FRMD3: variants seen among roughly 807,000 people sequenced by gnomAD.
The protein encoded by FRMD3 is FERM domain containing 3, also known as FERM domain-containing protein 3.
FRMD3 carries 33 observed loss-of-function variants against 70.2 expected under a neutral mutation model. The ratio of observed to expected loss-of-function variants is 0.47; its 90% CI spans 0.36 to 0.63. FRMD3 has a LOEUF of 0.63. Ranked by LOEUF, FRMD3 falls within the 20% of genes least tolerant of loss-of-function variation. The pLI, the probability that FRMD3 is intolerant of heterozygous loss-of-function variation, is 0.00. For missense variants in FRMD3, 632 were observed against 711.4 expected, an observed-to-expected ratio of 0.89 and a Z score of 1.27; for synonymous variants, 279 against 255.9, an observed-to-expected ratio of 1.09 and a Z score of -0.86.
At chr9:83,460,227 CT>C (rs1180580817) in intron 1 of FRMD3, among the ~76,000 whole-genome samples, 1 of 152,128 alleles carries the variant, frequency 6.6e-6, no homozygotes, top group African/African-American at 2.4e-5. Flanking sequence ...AATAAATCAC[CT>C]GCACATAAGG....
intron 6 of FRMD3, among the ~76,000 whole-genome samples, chr9:83,316,703 C>A (rs984029294): frequency 6.6e-6 from 1 of 152,096 alleles, no homozygotes. Flanking sequence ...TTCTTTGATT[C>A]TTTTCTTTTC....
intron 2 of FRMD3, among the ~76,000 whole-genome samples, chr9:83,381,119 C>G (rs539953062): frequency 1.3e-5 from 2 of 152,148 alleles, no homozygotes; most frequent in East Asian, 1.9e-4. Context: ...AAGGCTATAG[C>G]GAGGCCTAGT....
chr9:83,546,636 G>A, the FRMD3 span, among the ~76,000 whole-genome samples: 2 of 152,172 alleles, frequency 1.3e-5, no homozygotes, highest in East Asian at 3.9e-4. Flanking sequence ...TTAACATTAT[G>A]ACAGGAACAA....
At chr9:83,493,564 T>A (rs547532045) in intron 1 of FRMD3, among the ~76,000 whole-genome samples, 1 of 152,322 alleles carries the variant, frequency 6.6e-6, no homozygotes, top group South Asian at 2.1e-4. Flanking sequence ...AAGCTCCGAG[T>A]TAAAAACATA....
chr9:83,254,841 C>A (rs1200528825), intron 13 of FRMD3, among the ~76,000 whole-genome samples: 1 of 152,118 alleles, frequency 6.6e-6, no homozygotes, highest in Non-Finnish European at 1.5e-5. Flanking sequence ...AACTGAATAT[C>A]TGAATAGATC....
chr9:83,549,119 A>G, the FRMD3 span, among the ~76,000 whole-genome samples: 1 of 151,930 alleles, frequency 6.6e-6, no homozygotes, highest in Non-Finnish European at 1.5e-5. Context: ...TGCCCCCTCA[A>G]GAAGACCCCA....
chr9:83,265,206 C>A (rs1833188603), intron 13 of FRMD3, among the ~76,000 whole-genome samples: 1 of 151,922 alleles, frequency 6.6e-6, no homozygotes, highest in South Asian at 2.1e-4. Flanking sequence ...TGGGATCATC[C>A]TGGCTAACAC....
At chr9:83,351,212 T>G (rs913692259) in intron 3 of FRMD3, among the ~76,000 whole-genome samples, 1 of 151,898 alleles carries the variant, frequency 6.6e-6, no homozygotes, top group Non-Finnish European at 1.5e-5. Context: ...GAATGTATAA[T>G]AAGAATAATT....
At chr9:83,331,985 T>C in intron 6 of FRMD3, 1 of 685,730 alleles carries the variant, frequency 1.5e-6, no homozygotes, top group Admixed American at 2.3e-5. Context: ...GCTCTTTTCC[T>C]TGTGGCTCAA....
chr9:83,579,295 G>T, the FRMD3 span, among the ~76,000 whole-genome samples: 18 of 146,920 alleles, frequency 1.2e-4, no homozygotes, highest in Non-Finnish European at 2.4e-4. Context: ...AGCTTTCAGA[G>T]AAATGTAAAA....
At chr9:83,422,231 A>G (rs866580377) in intron 1 of FRMD3, among the ~76,000 whole-genome samples, 3 of 152,124 alleles carry the variant, frequency 2.0e-5, no homozygotes, top group Non-Finnish European at 4.4e-5. Context: ...TCAAAAAAAC[A>G]AAACAAAAAA....
At chr9:83,425,411 G>A (rs1826773897) in intron 1 of FRMD3, among the ~76,000 whole-genome samples, 1 of 152,084 alleles carries the variant, frequency 6.6e-6, no homozygotes, top group Non-Finnish European at 1.5e-5. Context: ...AGAGGTGGGG[G>A]CCATCAGAGC....
the FRMD3 span, among the ~76,000 whole-genome samples, chr9:83,580,205 T>C: frequency 6.6e-6 from 1 of 152,052 alleles, no homozygotes; most frequent in Non-Finnish European, 1.5e-5. Flanking sequence ...GGTATAGCCA[T>C]CATGAAAAAA....
intron 5 of FRMD3, among the ~76,000 whole-genome samples, chr9:83,341,199 A>G (rs1231802702): frequency 1.3e-5 from 2 of 152,176 alleles, no homozygotes; most frequent in Admixed American, 6.5e-5. Flanking sequence ...TGAATTTGCT[A>G]TAAATGACCA....
intron 10 of FRMD3, among the ~76,000 whole-genome samples, chr9:83,301,379 C>T (rs1303180006): frequency 1.3e-5 from 2 of 152,156 alleles, no homozygotes; most frequent in African/African-American, 4.8e-5. Flanking sequence ...CACCTCTGCC[C>T]TCTCCCCATC....
intron 2 of FRMD3, among the ~76,000 whole-genome samples, chr9:83,380,493 A>G (rs905878012): frequency 6.6e-6 from 1 of 152,150 alleles, no homozygotes; most frequent in African/African-American, 2.4e-5. Context: ...GCGAGGCACA[A>G]CTGCACTTAG....
At chr9:83,281,777 T>C (rs1340357553) in intron 13 of FRMD3, among the ~76,000 whole-genome samples, 1 of 152,152 alleles carries the variant, frequency 6.6e-6, no homozygotes, top group African/African-American at 2.4e-5. Flanking sequence ...AGAATTCTGT[T>C]TGCTGCAACA....
intron 13 of FRMD3, 33 bp from the exon 14 acceptor site, chr9:83,248,549 A>G: frequency 6.5e-7 from 1 of 1,528,822 alleles, no homozygotes; most frequent in Non-Finnish European, 8.7e-7. Context: ...CTAAATTTAA[A>G]ATTTCAGATT....
chr9:83,544,979 T>TTAA, the FRMD3 span, among the ~76,000 whole-genome samples: 7 of 152,096 alleles, frequency 4.6e-5, no homozygotes, highest in African/African-American at 1.7e-4. Context: ...AAAAAGAGTG[T>TTAA]GTTATGATAA....
Sources: gnomAD v4.1 joint callset for allele counts (sites outside exome capture counted in the v4.1 genomes callset) on GRCh38, gnomAD v4.1.1 for gene constraint, MANE v1.5 for transcripts, NCBI Gene and HGNC (gene_info 2026-07-23, HGNC 2026-07-21) for gene names.